SEMA3A: variants seen among roughly 807,000 people sequenced by gnomAD.
SEMA3A encodes semaphorin 3A.
A neutral mutation model predicts 97.9 loss-of-function variants in SEMA3A; 29 were observed. That is an observed-to-expected ratio of 0.30 (90% CI 0.22 to 0.40). The LOEUF (loss-of-function observed/expected upper bound fraction) is 0.40, where lower values mean the gene tolerates loss of function less well. Ranked by LOEUF, SEMA3A falls within the 10% of genes least tolerant of loss-of-function variation. SEMA3A has a pLI of 1.00. For synonymous variants in SEMA3A, 321 were observed against 323.7 expected (o/e 0.99, Z 0.09); for missense variants, 763 against 951.3 (o/e 0.80, Z 2.60).
At chr7:84,323,177 C>T (rs1472559629) in intron 2 of SEMA3A, among the ~76,000 whole-genome samples, 1 of 152,188 alleles carries the variant, frequency 6.6e-6, no homozygotes, top group Non-Finnish European at 1.5e-5. Flanking sequence ...TTAACGTTCT[C>T]TGAAGATTAG....
chr7:84,482,267 C>G (rs1011188018), intron 1 of SEMA3A, among the ~76,000 whole-genome samples: 1 of 152,038 alleles, frequency 6.6e-6, no homozygotes, highest in Non-Finnish European at 1.5e-5. Context: ...AATCTCTGAA[C>G]TTTTGGATAA....
At chr7:84,334,921 T>A (rs1802000958) in intron 2 of SEMA3A, among the ~76,000 whole-genome samples, 1 of 151,906 alleles carries the variant, frequency 6.6e-6, no homozygotes, top group South Asian at 2.1e-4. Flanking sequence ...CCCCTCATTT[T>A]CTACTTAGAC....
At chr7:84,447,017 T>C (rs752634433) in intron 1 of SEMA3A, among the ~76,000 whole-genome samples, 2 of 152,126 alleles carry the variant, frequency 1.3e-5, no homozygotes, top group African/African-American at 4.8e-5. Flanking sequence ...CCTGCAGGCT[T>C]GGAAGTGCTT....
intron 12 of SEMA3A, among the ~76,000 whole-genome samples, chr7:83,989,633 C>G (rs1789809186): frequency 7.9e-6 from 1 of 126,166 alleles, no homozygotes; most frequent in Non-Finnish European, 1.6e-5. Context: ...CATGTCCCTA[C>G]AAAGGACATG....
chr7:84,070,801 C>T (rs1793711557), intron 4 of SEMA3A, among the ~76,000 whole-genome samples: 2 of 152,022 alleles, frequency 1.3e-5, no homozygotes, highest in Admixed American at 6.6e-5. Flanking sequence ...CCTCAGCCCC[C>T]AGCCTGAGGG....
chr7:84,197,280 G>A (rs78876288), upstream of SEMA3A, among the ~76,000 whole-genome samples: 1,679 of 152,104 alleles, frequency 0.011, 55 homozygotes, highest in East Asian at 0.14. Flanking sequence ...TTTTCCAGAT[G>A]TTTAAAAGTT....
At chr7:84,313,388 A>G (rs945426151) in intron 2 of SEMA3A, among the ~76,000 whole-genome samples, 1 of 100,414 alleles carries the variant, frequency 1.0e-5, no homozygotes, top group African/African-American at 3.3e-5. Context: ...ATATATATAT[A>G]TATATATATA....
chr7:84,079,378 T>A (rs1794069915), intron 4 of SEMA3A, among the ~76,000 whole-genome samples: 1 of 150,888 alleles, frequency 6.6e-6, no homozygotes, highest in South Asian at 2.1e-4. Flanking sequence ...AAAGAGCTTC[T>A]GCACAGCAAA....
At chr7:84,183,385 A>C (rs1376458174) in intron 1 of SEMA3A, among the ~76,000 whole-genome samples, 2 of 152,190 alleles carry the variant, frequency 1.3e-5, no homozygotes, top group Non-Finnish European at 2.9e-5. Context: ...CTTGGATACT[A>C]TAAGCAGAGT....
chr7:84,413,797 T>C (rs1804347774), intron 1 of SEMA3A, among the ~76,000 whole-genome samples: 1 of 152,128 alleles, frequency 6.6e-6, no homozygotes, highest in Non-Finnish European at 1.5e-5. Flanking sequence ...AAAGAAACAA[T>C]AAATAATGGG....
intron 3 of SEMA3A, among the ~76,000 whole-genome samples, chr7:84,119,064 A>G (rs764908839): frequency 2.6e-5 from 4 of 152,128 alleles, no homozygotes; most frequent in Non-Finnish European, 5.9e-5. Context: ...ATTAGTTAAT[A>G]ATTTTATTTA....
intron 4 of SEMA3A, among the ~76,000 whole-genome samples, chr7:84,062,696 A>C (rs1405541562): frequency 6.6e-6 from 1 of 152,190 alleles, no homozygotes; most frequent in Admixed American, 6.5e-5. Flanking sequence ...CCACCCGAAT[A>C]CTGCGCTTTT....
rs1216172242 is a variant in SEMA3A, at chr7:84,259,690, G to A, written c.-83+47517C>T. 4.6e-5 allele frequency among the ~76,000 whole-genome samples: 7 copies of A among 151,920 alleles called. 1 individual carries two copies. The highest frequency in any genetic ancestry group is 1.7e-4 in the African/African-American group (7 of 41,376). ...TGCTAAGATTAAACGTTGCCCAGGAGGAGATATAGATGTCACTAATGAAAA... is the reference window on the plus strand; with the variant it reads ...TGCTAAGATTAAACGTTGCCCAGGAAGAGATATAGATGTCACTAATGAAAA... On this transcript the variant is annotated intron_variant, in intron 3 of 3. Coordinates refer to the SEMA3A transcript ENST00000424555.
At chr7:84,106,021 ACCAATT>A (rs1795098821) in intron 4 of SEMA3A, among the ~76,000 whole-genome samples, 1 of 152,212 alleles carries the variant, frequency 6.6e-6, no homozygotes, top group Non-Finnish European at 1.5e-5. Flanking sequence ...TAATAGGTCT[ACCAATT>A]CCCAAATGTA....
chr7:84,236,234 C>G (rs1038692541), intron 3 of SEMA3A, among the ~76,000 whole-genome samples: 1 of 152,080 alleles, frequency 6.6e-6, no homozygotes, highest in Non-Finnish European at 1.5e-5. Flanking sequence ...TAGCTAGTCA[C>G]CACATCTGTA....
At chr7:84,173,891 T>G (rs1584081710) in intron 1 of SEMA3A, among the ~76,000 whole-genome samples, 1 of 152,124 alleles carries the variant, frequency 6.6e-6, no homozygotes, top group Non-Finnish European at 1.5e-5. Flanking sequence ...AGAACCCTAT[T>G]GTGAACTGCA....
intron 1 of SEMA3A, among the ~76,000 whole-genome samples, chr7:84,455,106 T>C (rs894074785): frequency 3.9e-5 from 6 of 152,118 alleles, no homozygotes; most frequent in Admixed American, 3.9e-4. Context: ...TAATTCTTTC[T>C]ATCAGAAAGT....
chr7:84,293,459 T>C (rs1800798958), intron 3 of SEMA3A, among the ~76,000 whole-genome samples: 1 of 152,006 alleles, frequency 6.6e-6, no homozygotes, highest in South Asian at 2.1e-4. Flanking sequence ...CAAGACAATA[T>C]TATCTACTCC....
chr7:84,211,362 G>C (rs1029836318), intron 3 of SEMA3A, among the ~76,000 whole-genome samples: 12 of 152,030 alleles, frequency 7.9e-5, no homozygotes, highest in African/African-American at 2.9e-4. Context: ...TGTAATCCCA[G>C]CACTTTGGGA....
Sources: gnomAD v4.1 joint callset for allele counts (sites outside exome capture counted in the v4.1 genomes callset) on GRCh38, gnomAD v4.1.1 for gene constraint, MANE v1.5 for transcripts, NCBI Gene and HGNC (gene_info 2026-07-23, HGNC 2026-07-21) for gene names.